The following ATAD2 variants were observed in gnomAD, a reference collection of about 807,000 sequenced individuals.
ATAD2 encodes ATPase family AAA domain-containing protein 2.
A neutral mutation model predicts 168.9 loss-of-function variants in ATAD2; 62 were observed. The ratio of observed to expected loss-of-function variants is 0.37; its 90% CI spans 0.30 to 0.45. ATAD2 has a LOEUF of 0.45. ATAD2 is among the 20% of genes least tolerant of loss of function. The probability of loss-of-function intolerance (pLI) is 1.00; values close to 1 mark genes in which losing one functional copy is unlikely to be tolerated. For missense variants in ATAD2, 1,419 were observed against 1,667.8 expected, an observed-to-expected ratio of 0.85 and a Z score of 2.60; for synonymous variants, 613 against 571.6, an observed-to-expected ratio of 1.07 and a Z score of -1.03.
intron 1 of ATAD2, chr8:123,401,534 G>C: frequency 6.4e-7 from 1 of 1,558,946 alleles, no homozygotes; most frequent in Non-Finnish European, 8.7e-7. Flanking sequence ...TGGACGGGCT[G>C]TGTGTGGGCA....
intron 2 of ATAD2, among the ~76,000 whole-genome samples, chr8:123,373,976 T>C (rs1829233036): frequency 1.3e-5 from 2 of 152,086 alleles, no homozygotes; most frequent in South Asian, 2.1e-4. Context: ...AAAACCATCT[T>C]TCCCTGATGA....
upstream of ATAD2, chr8:123,400,524 C>A (rs1184746341): frequency 4.9e-6 from 2 of 404,926 alleles, no homozygotes; most frequent in South Asian, 4.0e-5. This position sits in a 1 kb window ranked among gnomAD's most constrained non-coding sequence, Gnocchi z 4.5. Context: ...CCTGCCCTGG[C>A]AGGCTGGCAG....
At chr8:123,386,269 C>G (rs1343571388) in intron 1 of ATAD2, among the ~76,000 whole-genome samples, 1 of 152,142 alleles carries the variant, frequency 6.6e-6, no homozygotes, top group Non-Finnish European at 1.5e-5. Context: ...GGAAGCAACC[C>G]AAGTGTCCAC....
At chr8:123,387,285 T>C (rs1431052597) in intron 1 of ATAD2, among the ~76,000 whole-genome samples, 1 of 152,120 alleles carries the variant, frequency 6.6e-6, no homozygotes, top group African/African-American at 2.4e-5. Flanking sequence ...ATTTAACAAA[T>C]TGCTGAATGT....
intron 1 of ATAD2, among the ~76,000 whole-genome samples, chr8:123,387,586 A>T (rs1040176211): frequency 1.3e-5 from 2 of 152,210 alleles, no homozygotes; most frequent in African/African-American, 4.8e-5. Flanking sequence ...CTAGAGATGT[A>T]ATATTCTCAT....
chr8:123,386,566 A>C, intron 1 of ATAD2, among the ~76,000 whole-genome samples: 1 of 152,192 alleles, frequency 6.6e-6, no homozygotes, highest in East Asian at 1.9e-4. Context: ...CTGGAAGATG[A>C]AAAAGTTCTG....
intron 8 of ATAD2, among the ~76,000 whole-genome samples, chr8:123,366,425 G>A (rs1828980125): frequency 6.6e-6 from 1 of 152,140 alleles, no homozygotes; most frequent in Non-Finnish European, 1.5e-5. Context: ...CTACCCAGAG[G>A]AAAATAACTT....
intron 23 of ATAD2, 36 bp downstream of exon 23, chr8:123,334,164 T>C: frequency 6.4e-7 from 1 of 1,558,830 alleles, no homozygotes; most frequent in Non-Finnish European, 8.6e-7. Context: ...ATTGATAATA[T>C]TAGGTTGGTA....
At chr8:123,415,980 T>C (rs966907401) in intron 1 of ATAD2, among the ~76,000 whole-genome samples, 2 of 152,152 alleles carry the variant, frequency 1.3e-5, no homozygotes, top group Non-Finnish European at 2.9e-5. Context: ...AAGGATACCA[T>C]ATGGACTCTT....
At chr8:123,380,453 A>C (rs1158592462) in intron 2 of ATAD2, 76 bp downstream of exon 2, 2 of 1,486,020 alleles carry the variant, frequency 1.3e-6, no homozygotes, top group Non-Finnish European at 1.9e-6. Flanking sequence ...TCAAAAATAC[A>C]CTTCAAAAAT....
chr8:123,339,195 T>C, intron 20 of ATAD2, 116 bp downstream of exon 20: 1 of 930,080 alleles, frequency 1.1e-6, no homozygotes, highest in Non-Finnish European at 1.6e-6. Flanking sequence ...AGCAGATGCA[T>C]CAACCTCATG....
chr8:123,414,118 A>G (rs2130060888), intron 1 of ATAD2, among the ~76,000 whole-genome samples: 1 of 130,296 alleles, frequency 7.7e-6, no homozygotes, highest in East Asian at 2.3e-4. Context: ...AAAAAAAAAA[A>G]AAGTATAGGG....
At chr8:123,378,066 A>T (rs1017160005) in intron 2 of ATAD2, among the ~76,000 whole-genome samples, 4 of 152,212 alleles carry the variant, frequency 2.6e-5, no homozygotes, top group African/African-American at 7.2e-5. Flanking sequence ...TTAAGACTTC[A>T]AATTTCAGAA....
chr8:123,327,434 T>C (rs549307425), intron 25 of ATAD2, among the ~76,000 whole-genome samples: 1 of 152,268 alleles, frequency 6.6e-6, no homozygotes, highest in Non-Finnish European at 1.5e-5. Context: ...AGTCTATTAT[T>C]GCTAATTACT....
intron 11 of ATAD2, among the ~76,000 whole-genome samples, 173 bp from the exon 12 acceptor site, chr8:123,357,909 A>C (rs1409475611): frequency 6.6e-6 from 1 of 152,216 alleles, no homozygotes; most frequent in East Asian, 1.9e-4. Context: ...GGGAGTTAAT[A>C]CTGATACTGT....
intron 2 of ATAD2, among the ~76,000 whole-genome samples, chr8:123,375,739 G>A (rs932189108): frequency 3.9e-5 from 6 of 152,210 alleles, no homozygotes. Context: ...GGGAGGTCAA[G>A]ACGGGTGAAT....
In ATAD2 at chr8:123,347,162, G is replaced by C. The variant is rs1828273775; in HGVS notation, c.2142C>G (p.Asp714Glu). Residue 714 changes from aspartate (D) to glutamate (E), a missense_variant, in exon 16 of 28, where the codon GAC (aspartate) becomes GAG (glutamate). Around this residue, in one of 5 missense-constraint regions of ATAD2, gnomAD observed 545 missense variants for 724.9 expected, o/e 0.75. Transcript: ENST00000287394. Reference protein sequence around the residue: ...VVKPLLQNTVDKILEALQRVF... With the variant: ...VVKPLLQNTVEKILEALQRVF... ...CTCTCTGCAGGGCTTCTAAAATCTT[G>C]TCAACAGTGTTTTGCAGGAGTGGTT... The C allele has an allele frequency of 6.2e-7, 1 of 1,614,020 alleles. No homozygotes were observed. Among genetic ancestry groups the C allele is most frequent in the Non-Finnish European group, 8.5e-7 (1 of 1,180,034 alleles).
intron 19 of ATAD2, among the ~76,000 whole-genome samples, chr8:123,340,840 G>A (rs1175960316): frequency 6.6e-6 from 1 of 152,090 alleles, no homozygotes; most frequent in East Asian, 1.9e-4. Context: ...TTCTGCTTGG[G>A]ATAACAAGAA....
Position 123,369,925 on chromosome 8 carries a change from T to A in ATAD2, c.827A>T (p.Asp276Val). Residue 276 changes from aspartate to valine, a missense_variant, in exon 7 of 28, where the codon GAT becomes GTT. Physicochemically the swap from Asp to Val is radical, Grantham distance 152. This residue lies in a region of ATAD2 where 419 missense variants were observed against 423.5 expected (regional missense o/e 0.99). Transcript: ENST00000287394. Reference protein sequence around the residue: ...DDDDDDDDDDDDEDDEDEEDG... With the variant: ...DDDDDDDDDDVDEDDEDEEDG... Reference sequence around the variant, plus strand: ...TTCTTCATCTTCATCATCTTCATCATCATCATCATCATCATCATCGTCATC... The same window carrying A: ...TTCTTCATCTTCATCATCTTCATCAACATCATCATCATCATCATCGTCATC... 1 of 1,563,110 alleles carries A rather than the reference T, an allele frequency of 6.4e-7. No individual in the cohort carries two copies.
Sources: allele counts gnomAD v4.1 joint callset (sites outside exome capture counted in the v4.1 genomes callset), GRCh38; gene constraint gnomAD v4.1.1; regional missense constraint gnomAD v4.1.1; non-coding constraint Gnocchi (gnomAD v3.1); transcripts MANE v1.5; gene names NCBI Gene and HGNC (gene_info 2026-07-23, HGNC 2026-07-21).